The following KCNH1 variants were observed in gnomAD, a reference collection of about 807,000 sequenced individuals.
The protein encoded by KCNH1 is voltage-gated delayed rectifier potassium channel KCNH1.
A neutral mutation model predicts 69.2 loss-of-function variants in KCNH1; 27 were observed. That is an observed-to-expected ratio of 0.39 (90% confidence interval 0.29 to 0.54). The LOEUF is 0.54. KCNH1 is among the 20% of genes least tolerant of loss of function. The probability of loss-of-function intolerance (pLI) is 0.68; values close to 1 mark genes in which losing one functional copy is unlikely to be tolerated. For missense variants in KCNH1, 798 were observed against 1,261.6 expected, an observed-to-expected ratio of 0.63 and a Z score of 5.57; for synonymous variants, 456 against 487.7, an observed-to-expected ratio of 0.93 and a Z score of 0.86.
rs1338916235 is a variant in KCNH1 at position 210,678,744 on chromosome 1, A to ACAT, written c.*4534_*4536dup. On this transcript the variant is annotated 3_prime_UTR_variant, in exon 11 of 11. Coordinates refer to ENST00000271751, the MANE Select transcript of KCNH1 (RefSeq NM_172362.3). ...TACAGCATCGGAATATTAAGAGAAT[A>ACAT]CATTCATTAGGGGAGGGTGCATCCT... 3 of 152,230 alleles carry ACAT rather than the reference A, an allele frequency of 2.0e-5. No individual in the cohort carries two copies. Among genetic ancestry groups the ACAT allele is most frequent in the African/African-American group, 7.2e-5 (3 of 41,466 alleles). 9.4% of individuals were successfully genotyped at this position (152,230 alleles called of 1,614,324 possible). A position where few individuals can be genotyped will look rare whatever the true frequency, so the allele number is the denominator to read the frequency against.
chr1:210,700,373 A>G (rs1031197708), intron 10 of KCNH1, among the ~76,000 whole-genome samples: 1 of 152,132 alleles, frequency 6.6e-6, no homozygotes, highest in East Asian at 1.9e-4. Flanking sequence ...TCATGCTCTC[A>G]TCTGGGCCCC....
chr1:211,005,637 T>C (rs546880262), intron 6 of KCNH1, among the ~76,000 whole-genome samples: 1 of 152,226 alleles, frequency 6.6e-6, no homozygotes, highest in African/African-American at 2.4e-5. Context: ...TAAATGTGAA[T>C]GGAAAACAAT....
intron 1 of KCNH1, among the ~76,000 whole-genome samples, chr1:211,116,667 G>T (rs1014049292): frequency 1.3e-5 from 2 of 152,276 alleles, no homozygotes; most frequent in East Asian, 3.9e-4. Flanking sequence ...GTTTGTCTTG[G>T]TCTGTCATAC....
intron 4 of KCNH1, among the ~76,000 whole-genome samples, chr1:211,088,503 T>C (rs573316435): frequency 1.3e-5 from 2 of 152,286 alleles, no homozygotes; most frequent in East Asian, 3.9e-4. Context: ...AACACACTAA[T>C]ATAAAGTTTG....
At chr1:211,015,970 C>CTA (rs1689483572) in intron 6 of KCNH1, among the ~76,000 whole-genome samples, 1 of 152,198 alleles carries the variant, frequency 6.6e-6, no homozygotes, top group South Asian at 2.1e-4. Context: ...AATATTTGTA[C>CTA]TATTATTTAT....
At chr1:210,854,628 T>C (rs1685792188) in intron 7 of KCNH1, among the ~76,000 whole-genome samples, 2 of 152,196 alleles carry the variant, frequency 1.3e-5, no homozygotes, top group Admixed American at 1.3e-4. Flanking sequence ...AGGGGCATCA[T>C]CCACCTAGGG....
At chr1:211,056,387 G>A (rs1047697192) in intron 5 of KCNH1, among the ~76,000 whole-genome samples, 15 of 152,158 alleles carry the variant, frequency 9.9e-5, no homozygotes, top group African/African-American at 3.4e-4. Flanking sequence ...AAAGCACCAG[G>A]TAGATACCTA....
chr1:210,904,935 A>G lies in KCNH1; in HGVS notation c.1462+14705T>C, dbSNP rs115537089. Among the ~76,000 whole-genome samples the G allele has an allele frequency of 3.6e-3, 553 of 152,274 alleles. 6 individuals are homozygous for G. Among genetic ancestry groups the G allele is most frequent in the African/African-American group, 0.013 (542 of 41,556 alleles). ...AAAGCCACATAGAGAGTGAGTAACT[A>G]AGGGGATGTGAGGGGGAGAACAAGA... On this transcript the variant is annotated intron_variant, in intron 7 of 10. Transcript: ENST00000271751.
At chr1:210,820,090 ATTGTTG>A (rs1300346887) in intron 7 of KCNH1, among the ~76,000 whole-genome samples, 1 of 152,226 alleles carries the variant, frequency 6.6e-6, no homozygotes, top group Non-Finnish European at 1.5e-5. Flanking sequence ...AAGATAAATT[ATTGTTG>A]TTGTTTTAAG....
chr1:210,817,481 G>A (rs1335425918), intron 7 of KCNH1, among the ~76,000 whole-genome samples: 1 of 152,138 alleles, frequency 6.6e-6, no homozygotes, highest in African/African-American at 2.4e-5. Context: ...CACTGGTAAA[G>A]AATCTAGTCA....
At chr1:210,865,960 T>A (rs1420060570) in intron 7 of KCNH1, among the ~76,000 whole-genome samples, 1 of 152,126 alleles carries the variant, frequency 6.6e-6, no homozygotes, top group South Asian at 2.1e-4. Flanking sequence ...AAAAGTATGT[T>A]ATAGATCAGC....
At chr1:210,996,340 G>A (rs940821652) in intron 6 of KCNH1, among the ~76,000 whole-genome samples, 10 of 152,178 alleles carry the variant, frequency 6.6e-5, no homozygotes, top group East Asian at 3.9e-4. Flanking sequence ...GATTATATCC[G>A]GCACCTGGTT....
chr1:211,032,976 C>T (rs868065722), intron 5 of KCNH1, among the ~76,000 whole-genome samples: 3 of 152,142 alleles, frequency 2.0e-5, no homozygotes, highest in Non-Finnish European at 4.4e-5. Flanking sequence ...GAACAGGCAA[C>T]CTACAGAGTG....
At chr1:211,100,009 C>T (rs1157690186) in intron 3 of KCNH1, among the ~76,000 whole-genome samples, 6 of 152,192 alleles carry the variant, frequency 3.9e-5, no homozygotes, top group Non-Finnish European at 7.4e-5. Flanking sequence ...TCCATCTCCA[C>T]GCTCTAGCTG....
intron 6 of KCNH1, among the ~76,000 whole-genome samples, chr1:210,952,554 T>C (rs1165246133): frequency 6.6e-6 from 1 of 152,172 alleles, no homozygotes; most frequent in African/African-American, 2.4e-5. Context: ...GAATAAAGAT[T>C]AAAGTGTGTC....
chr1:211,075,292 C>T (rs1690713439), intron 5 of KCNH1, among the ~76,000 whole-genome samples: 1 of 152,206 alleles, frequency 6.6e-6, no homozygotes, highest in South Asian at 2.1e-4. Flanking sequence ...CTCCCCATCT[C>T]CACTGTTGAC....
intron 6 of KCNH1, among the ~76,000 whole-genome samples, chr1:210,991,603 CCA>C (rs67518284): frequency 0.065 from 9,589 of 148,250 alleles, 445 homozygotes; most frequent in South Asian, 0.17. Flanking sequence ...TCTGTTCTTG[CCA>C]CACACACACA....
chr1:211,012,717 T>C (rs529559123), intron 6 of KCNH1, among the ~76,000 whole-genome samples: 1 of 152,296 alleles, frequency 6.6e-6, no homozygotes, highest in South Asian at 2.1e-4. Context: ...TACACACTTG[T>C]CCAAACCCAT....
chr1:211,121,243 C>T (rs538445661), intron 1 of KCNH1, among the ~76,000 whole-genome samples: 78 of 152,184 alleles, frequency 5.1e-4, no homozygotes, highest in Middle Eastern at 3.4e-3. Flanking sequence ...GCAAAAAGAA[C>T]AAAACTGGAG....
Sources: gnomAD v4.1 joint callset for allele counts (sites outside exome capture counted in the v4.1 genomes callset) on GRCh38, gnomAD v4.1.1 for gene constraint, MANE v1.5 for transcripts, NCBI Gene and HGNC (gene_info 2026-07-23, HGNC 2026-07-21) for gene names.